SIK3: variants seen among roughly 807,000 people sequenced by gnomAD.
SIK3 encodes SIK family kinase 3, also known as serine/threonine-protein kinase SIK3.
A neutral mutation model predicts 144.2 loss-of-function variants in SIK3; 28 were observed. That is an observed-to-expected ratio of 0.19 (90% CI 0.14 to 0.27). The LOEUF is 0.27. SIK3 is among the 10% of genes least tolerant of loss of function. The pLI is 1.00. For missense variants in SIK3, 1,319 were observed against 1,776.0 expected (o/e 0.74, Z 4.62); for synonymous variants, 686 against 676.3 (o/e 1.01, Z -0.22).
chr11:117,070,885 T>A (rs1954247678), intron 1 of SIK3, among the ~76,000 whole-genome samples: 1 of 151,412 alleles, frequency 6.6e-6, no homozygotes, highest in South Asian at 2.1e-4. Context: ...CCCTAGTAGC[T>A]GGGATTACAG....
intron 1 of SIK3, among the ~76,000 whole-genome samples, chr11:117,088,014 G>C (rs1043006277): frequency 2.0e-5 from 3 of 152,194 alleles, no homozygotes; most frequent in Non-Finnish European, 4.4e-5. Context: ...AGGATCATTT[G>C]AGCCCAGGAG....
intron 1 of SIK3, among the ~76,000 whole-genome samples, chr11:116,985,319 T>C (rs993035515): frequency 3.3e-5 from 5 of 152,160 alleles, no homozygotes; most frequent in Admixed American, 1.3e-4. Context: ...GGCTGTGGGT[T>C]TGTCAAAAAA....
At chr11:116,870,286 A>C in intron 14 of SIK3, 45 bp downstream of exon 14, 2 of 1,612,244 alleles carry the variant, frequency 1.2e-6, no homozygotes, top group South Asian at 1.1e-5. Flanking sequence ...GTTGCAGGGG[A>C]GCCTGCCCAG....
At position 116,874,042 on chromosome 11, in the gene SIK3, T is replaced by G. The variant is rs769819383; in HGVS notation, c.1442A>C (p.Glu481Ala). 6.2e-7 allele frequency: 1 copy of G among 1,613,828 alleles called. No homozygotes were observed. Among genetic ancestry groups the G allele is most frequent in the Non-Finnish European group, 8.5e-7 (1 of 1,179,928 alleles). Reference protein sequence around the residue: ...GVADPRTEVMEDLQKLLPGFP... With the variant: ...GVADPRTEVMADLQKLLPGFP... ...GCCAGGTAGGAGCTTCTGCAGATCT[T>G]CCATAACTTCCGTGCTGATACAAAA... Residue 481 changes from glutamate to alanine, a missense_variant, in exon 12 of 25, where the codon GAA (glutamate) becomes GCA (alanine). By Grantham distance (107) the Glu-to-Ala change is moderately radical. Around this residue, in one of 8 missense-constraint regions of SIK3, gnomAD observed 167 missense variants for 263.3 expected, o/e 0.63. Coordinates refer to ENST00000445177, the MANE Select transcript of SIK3 (RefSeq NM_001366686.3).
intron 6 of SIK3, among the ~76,000 whole-genome samples, chr11:116,878,819 A>G (rs1317475153): frequency 6.6e-6 from 1 of 152,138 alleles, no homozygotes; most frequent in Non-Finnish European, 1.5e-5. Context: ...GCCATTCCTC[A>G]GATCTTCATA....
chr11:117,002,077 C>T (rs771656039), intron 1 of SIK3, among the ~76,000 whole-genome samples: 2 of 152,188 alleles, frequency 1.3e-5, no homozygotes, highest in African/African-American at 2.4e-5. Context: ...TTGCAGTTCC[C>T]TGAACTTGTA....
In SIK3 at chr11:116,875,212, G is replaced by T. The variant is rs762560774; in HGVS notation, c.1373C>A (p.Ala458Glu). The T allele has an allele frequency of 1.2e-6, 2 of 1,614,064 alleles. No individual in the cohort carries two copies. Among genetic ancestry groups the T allele is most frequent in the Non-Finnish European group, 1.7e-6 (2 of 1,180,030 alleles). ...SDEGEEPSPE[A>E]LVRYLSMRRH... Reference sequence around the variant, plus strand: ...CCTCATTGACAAATAGCGCACCAATGCTTCAGGGGAAGGCTCTTCACCCTC... The same window carrying T: ...CCTCATTGACAAATAGCGCACCAATTCTTCAGGGGAAGGCTCTTCACCCTC... Residue 458 changes from alanine to glutamate, a missense_variant, in exon 11 of 25, where the codon GCA becomes GAA. By Grantham distance (107) the Ala-to-Glu change is moderately radical. Transcript: ENST00000445177.
rs142088494 is a variant in SIK3, at chr11:117,096,614, G to C, written c.273+1529C>G. Among the ~76,000 whole-genome samples, 429 of 152,188 alleles carry C rather than the reference G, an allele frequency of 2.8e-3. 10 individuals are homozygous for C. The highest frequency in any genetic ancestry group is 0.026 in the Admixed American group (404 of 15,284). ...TCATTCAGCTCTGACCTGCAGACTG[G>C]AGGCCCTGTGATAAAAACGGACAAA... On this transcript the variant is annotated intron_variant, in intron 1 of 24. Coordinates refer to ENST00000445177, the MANE Select transcript of SIK3 (RefSeq NM_001366686.3).
At chr11:116,928,071 CAAAT>C (rs1479339613) in intron 3 of SIK3, among the ~76,000 whole-genome samples, 1 of 152,148 alleles carries the variant, frequency 6.6e-6, no homozygotes. Flanking sequence ...TCTACCAACT[CAAAT>C]AAAATCATTT....
chr11:116,843,421 G>T lies in SIK3; in HGVS notation c.*2222C>A, dbSNP rs931635144. Reference sequence around the variant, plus strand: ...AAGGTCTTAGCAACTTGAGTCTGGAGATTTTTTTTTTAATCCTTTTTAGTT... The same window carrying T: ...AAGGTCTTAGCAACTTGAGTCTGGATATTTTTTTTTTAATCCTTTTTAGTT... On this transcript the variant is annotated 3_prime_UTR_variant, in exon 25 of 25. Transcript: ENST00000445177. The T allele has an allele frequency of 5.3e-5, 8 of 151,602 alleles. No homozygotes were observed. The highest frequency in any genetic ancestry group is 4.6e-4 in the Admixed American group (7 of 15,262). 9.4% of individuals were successfully genotyped at this position (151,602 alleles called of 1,614,324 possible).
At chr11:116,991,111 G>A (rs1204335589) in intron 1 of SIK3, among the ~76,000 whole-genome samples, 1 of 152,210 alleles carries the variant, frequency 6.6e-6, no homozygotes, top group Non-Finnish European at 1.5e-5. Flanking sequence ...GTTAGTGGGA[G>A]ACTAAGGATT....
chr11:116,925,183 A>G (rs1202690141), intron 4 of SIK3, among the ~76,000 whole-genome samples: 2 of 150,608 alleles, frequency 1.3e-5, no homozygotes, highest in African/African-American at 4.9e-5. Flanking sequence ...CAGGAAGTTG[A>G]GGTTGCAGTG....
intron 1 of SIK3, among the ~76,000 whole-genome samples, chr11:117,097,011 T>C (rs898921435): frequency 2.0e-5 from 3 of 152,148 alleles, no homozygotes; most frequent in African/African-American, 4.8e-5. Flanking sequence ...AAGTATTCAT[T>C]CAAGTAAGAT....
At chr11:116,964,819 T>C (rs919840693) in intron 1 of SIK3, among the ~76,000 whole-genome samples, 1 of 151,886 alleles carries the variant, frequency 6.6e-6, no homozygotes, top group African/African-American at 2.4e-5. Flanking sequence ...GAGGCGGAGG[T>C]TGCAGTGAGC....
At chr11:116,942,686 A>G (rs1376362716) in intron 3 of SIK3, among the ~76,000 whole-genome samples, 1 of 152,226 alleles carries the variant, frequency 6.6e-6, no homozygotes, top group Non-Finnish European at 1.5e-5. Flanking sequence ...TTCAGGAAGA[A>G]GAAATGGAAT....
At chr11:116,997,108 T>C (rs1168585442) in intron 1 of SIK3, among the ~76,000 whole-genome samples, 1 of 152,174 alleles carries the variant, frequency 6.6e-6, no homozygotes, top group Non-Finnish European at 1.5e-5. Flanking sequence ...GCAAACAAGA[T>C]TCAGGGGAAC....
chr11:116,852,439 G>C (rs2134325358), intron 21 of SIK3, among the ~76,000 whole-genome samples: 1 of 152,314 alleles, frequency 6.6e-6, no homozygotes, highest in Non-Finnish European at 1.5e-5. Flanking sequence ...TTGAGCACAA[G>C]GGTCATGAGC....
intron 1 of SIK3, among the ~76,000 whole-genome samples, chr11:116,989,909 A>G (rs1163434877): frequency 1.3e-5 from 2 of 152,192 alleles, no homozygotes; most frequent in African/African-American, 4.8e-5. Context: ...CAAACTGGGA[A>G]GTAAAAGCAA....
At chr11:117,041,101 A>G (rs1010327370) in intron 1 of SIK3, among the ~76,000 whole-genome samples, 3 of 152,250 alleles carry the variant, frequency 2.0e-5, no homozygotes, top group East Asian at 1.9e-4. Flanking sequence ...AATATTGCTC[A>G]AAGTGGAATA....
Sources: allele counts gnomAD v4.1 joint callset (sites outside exome capture counted in the v4.1 genomes callset), GRCh38; gene constraint gnomAD v4.1.1; regional missense constraint gnomAD v4.1.1; transcripts MANE v1.5; gene names NCBI Gene and HGNC (gene_info 2026-07-23, HGNC 2026-07-21).